The following CACNB2 variants were observed in gnomAD, a reference collection of about 807,000 sequenced individuals.
CACNB2 encodes calcium voltage-gated channel auxiliary subunit beta 2.
CACNB2 carries 42 observed loss-of-function variants against 73.3 expected under a neutral mutation model. The observed-to-expected ratio is 0.57, with a 90% CI of 0.45 to 0.74. CACNB2 has a LOEUF of 0.74. CACNB2 is among the 30% of genes least tolerant of loss of function. The probability of loss-of-function intolerance (pLI) is 0.00; values close to 1 mark genes in which losing one functional copy is unlikely to be tolerated. For missense variants in CACNB2, 940 were observed against 853.0 expected (o/e 1.10, Z -1.27); for synonymous variants, 348 against 310.3 (o/e 1.12, Z -1.28).
intron 2 of CACNB2, among the ~76,000 whole-genome samples, chr10:18,274,912 A>G (rs1376335996): frequency 6.6e-6 from 1 of 152,034 alleles, no homozygotes; most frequent in Non-Finnish European, 1.5e-5. Flanking sequence ...CTTATTACAC[A>G]GTTTTATTTT....
rs769211879 is a variant in CACNB2, at chr10:18,150,879, T to TTTTTTTTTTG, written c.121-3_121-2insTTTTTTTTGT. ...TCTTTTTTTTTTTTTTTTTTTTTTT[T>TTTTTTTTTTG]TAGTCATATGGAAAAGGAGCCAGAA... On this transcript the variant is annotated splice_polypyrimidine_tract_variant and splice_region_variant and intron_variant, in intron 1 of 13. Transcript: ENST00000324631. 358 of 1,259,548 alleles carry TTTTTTTTTTG rather than the reference T, an allele frequency of 2.8e-4. 22 individuals carry two copies. The highest frequency in any genetic ancestry group is 1.1e-3 in the African/African-American group (65 of 59,486). 78.0% of individuals were successfully genotyped at this position (1,259,548 alleles called of 1,614,324 possible).
intron 2 of CACNB2, among the ~76,000 whole-genome samples, chr10:18,331,791 G>C (rs1176994722): frequency 1.3e-5 from 2 of 152,098 alleles, no homozygotes; most frequent in African/African-American, 4.8e-5. Flanking sequence ...TCTAAATCTG[G>C]TGTACTCTTC....
rs189471089 is a variant in CACNB2 at position 18,310,382 on chromosome 10, G to A, written c.214-91542G>A. On this transcript the variant is annotated intron_variant, in intron 2 of 13. Coordinates refer to ENST00000324631, the MANE Select transcript of CACNB2 (RefSeq NM_201596.3). ...ACACTTTGGGAGGCTGAGGTGGGCG[G>A]GTCACCTGAGGTTGGGAGTTCGAGA... 4.4e-4 allele frequency among the ~76,000 whole-genome samples: 67 copies of A among 151,274 alleles called. No individual in the cohort carries two copies. The East Asian group carries it at 0.012, about 27-fold the overall frequency.
At chr10:18,377,286 T>C (rs937075284) in intron 2 of CACNB2, among the ~76,000 whole-genome samples, 5 of 152,206 alleles carry the variant, frequency 3.3e-5, no homozygotes, top group East Asian at 1.9e-4. Context: ...GAAAGAAGAA[T>C]TGGAGTAAGG....
chr10:18,263,938 A>C (rs564023155), intron 2 of CACNB2, among the ~76,000 whole-genome samples: 4 of 152,238 alleles, frequency 2.6e-5, no homozygotes, highest in African/African-American at 9.6e-5. Context: ...ACTCCTAACC[A>C]TCATTCTTTT....
Position 18,483,733 on chromosome 10 carries a change from A to G in CACNB2, c.334-14622A>G, listed in dbSNP as rs563372480. Among the ~76,000 whole-genome samples, 6 of 152,310 alleles carry G rather than the reference A, an allele frequency of 3.9e-5. No individual in the cohort carries two copies. The South Asian group carries it at 1.2e-3, about 32-fold the overall frequency. On this transcript the variant is annotated intron_variant, in intron 3 of 13. Coordinates refer to ENST00000324631, the MANE Select transcript of CACNB2 (RefSeq NM_201596.3). The stretch of plus-strand genomic sequence containing the variant: ...AATGTGTCTCCCCGTGCTTGTCAGC[A>G]TGTACTTTGTAAAGGCTTTCCTGGT...
chr10:18,394,816 T>A (rs1162675864), intron 2 of CACNB2, among the ~76,000 whole-genome samples: 1 of 152,254 alleles, frequency 6.6e-6, no homozygotes, highest in Non-Finnish European at 1.5e-5. Context: ...CTTAATTGAT[T>A]ATCCTCATTA....
intron 3 of CACNB2, among the ~76,000 whole-genome samples, chr10:18,461,083 C>G (rs371307234): frequency 5.9e-5 from 9 of 152,192 alleles, no homozygotes; most frequent in African/African-American, 2.2e-4. Context: ...TCATGCGCCA[C>G]CACGCCCAGA....
intron 2 of CACNB2, chr10:18,401,134 TTATTTTGTC>T: frequency 6.2e-7 from 1 of 1,613,160 alleles, no homozygotes; most frequent in Non-Finnish European, 8.5e-7. Flanking sequence ...TGGGGAGAGG[TTATTTTGTC>T]TCTGCTTTTC....
At chr10:18,426,255 A>C (rs765083476) in intron 3 of CACNB2, among the ~76,000 whole-genome samples, 1 of 152,204 alleles carries the variant, frequency 6.6e-6, no homozygotes, top group Non-Finnish European at 1.5e-5. Flanking sequence ...AATAGGAACT[A>C]TCTCTCCATT....
chr10:18,509,165 T>A (rs943264319), intron 6 of CACNB2, among the ~76,000 whole-genome samples: 2 of 152,144 alleles, frequency 1.3e-5, no homozygotes, highest in African/African-American at 4.8e-5. Flanking sequence ...AAAGGAAAAC[T>A]TCAGAAAGCT....
At chr10:18,293,400 C>A (rs754151878) in intron 2 of CACNB2, among the ~76,000 whole-genome samples, 2 of 152,136 alleles carry the variant, frequency 1.3e-5, no homozygotes, top group Non-Finnish European at 2.9e-5. Context: ...TACTTTCTGC[C>A]AGCACATAAA....
In CACNB2 at chr10:18,462,821, C is replaced by T. The variant is rs207470725; in HGVS notation, c.334-35534C>T. 6.6e-5 allele frequency among the ~76,000 whole-genome samples: 10 copies of T among 152,102 alleles called. No homozygotes were observed. In the South Asian group the frequency reaches 8.3e-4, roughly 13 times the overall value. The stretch of plus-strand genomic sequence containing the variant: ...TTGCCCAGGCTGGAGTGCAGTGACA[C>T]GATCTAGTCTCACTGCAACCTCCAC... On this transcript the variant is annotated intron_variant, in intron 3 of 13. Transcript: ENST00000324631.
intron 2 of CACNB2, chr10:18,340,616 C>T (rs1262866473): frequency 1.7e-5 from 19 of 1,149,080 alleles, no homozygotes; most frequent in Admixed American, 3.7e-5. Flanking sequence ...AGTTTGCAGG[C>T]GTCTGTCTTC....
At chr10:18,289,371 T>C (rs2038962927) in intron 2 of CACNB2, among the ~76,000 whole-genome samples, 1 of 145,852 alleles carries the variant, frequency 6.9e-6, no homozygotes, top group African/African-American at 2.6e-5. Flanking sequence ...CTCGGCTCAC[T>C]GCAAGCTCCG....
chr10:18,440,725 A>T (rs2132938461), intron 3 of CACNB2, among the ~76,000 whole-genome samples: 1 of 152,222 alleles, frequency 6.6e-6, no homozygotes, highest in Admixed American at 6.5e-5. Flanking sequence ...TGGATATTTG[A>T]GGATAGATTA....
At chr10:18,152,649 C>T (rs913193315) in intron 2 of CACNB2, among the ~76,000 whole-genome samples, 1 of 140,342 alleles carries the variant, frequency 7.1e-6, no homozygotes, top group Non-Finnish European at 1.5e-5. Context: ...AGAGATTGAA[C>T]CTGGAGAGCT....
chr10:18,476,382 C>G (rs1042843694), intron 3 of CACNB2, among the ~76,000 whole-genome samples: 4 of 152,214 alleles, frequency 2.6e-5, no homozygotes, highest in African/African-American at 9.6e-5. Context: ...AAAGTATACT[C>G]TACATAGAGT....
intron 2 of CACNB2, among the ~76,000 whole-genome samples, chr10:18,345,371 G>T (rs367859901): frequency 8.5e-5 from 13 of 152,088 alleles, no homozygotes; most frequent in African/African-American, 3.1e-4. Flanking sequence ...ATACAGCATT[G>T]TTTTAATTTC....
Sources: gnomAD v4.1 joint callset for allele counts (sites outside exome capture counted in the v4.1 genomes callset) on GRCh38, gnomAD v4.1.1 for gene constraint, MANE v1.5 for transcripts, NCBI Gene and HGNC (gene_info 2026-07-23, HGNC 2026-07-21) for gene names.